ARPC4: variants seen among roughly 807,000 people sequenced by gnomAD.
ARPC4 encodes the protein actin-related protein 2/3 complex subunit 4.
ARPC4 carries 3 observed loss-of-function variants against 22.8 expected under a neutral mutation model. The observed-to-expected ratio is 0.13, with a 90% CI of 0.06 to 0.34. The LOEUF is 0.34. ARPC4 is among the 10% of genes least tolerant of loss of function. The pLI is 1.00. For synonymous variants in ARPC4, 80 were observed against 72.5 expected (o/e 1.10, Z -0.52); for missense variants, 98 against 211.0 (o/e 0.46, Z 3.32).
chr3:9,793,932 T>C (rs1199897769), intron 1 of ARPC4, among the ~76,000 whole-genome samples: 1 of 152,234 alleles, frequency 6.6e-6, no homozygotes, highest in Non-Finnish European at 1.5e-5. Context: ...AAGGTTTGCC[T>C]GGATATCTTG....
chr3:9,797,848 C>A, intron 2 of ARPC4, 71 bp downstream of exon 2: 1 of 1,484,640 alleles, frequency 6.7e-7, no homozygotes, highest in South Asian at 1.2e-5. Flanking sequence ...TAGAAGGTGC[C>A]ATGAACTTAT....
At chr3:9,804,511 T>C (rs1209277386) in intron 5 of ARPC4, among the ~76,000 whole-genome samples, 2 of 152,232 alleles carry the variant, frequency 1.3e-5, no homozygotes, top group Non-Finnish European at 2.9e-5. Context: ...CCTCTTACGT[T>C]GTTTATGTCT....
At chr3:9,801,956 AAG>A (rs1423188714) in intron 4 of ARPC4, among the ~76,000 whole-genome samples, 200 bp downstream of exon 4, 1 of 152,096 alleles carries the variant, frequency 6.6e-6, no homozygotes, top group African/African-American at 2.4e-5. Flanking sequence ...AAAGGCAAAA[AAG>A]AGCCGGGCGT....
At chr3:9,801,242 T>TGTTGAGCA (rs1412666160) in intron 3 of ARPC4, among the ~76,000 whole-genome samples, 1 of 80,904 alleles carries the variant, frequency 1.2e-5, no homozygotes, top group African/African-American at 4.3e-5. Context: ...AAAAAAGAAA[T>TGTTGAGCA]GTTGAGCATT....
intron 1 of ARPC4, among the ~76,000 whole-genome samples, chr3:9,794,814 TC>T (rs1267720246): frequency 3.3e-5 from 5 of 152,186 alleles, no homozygotes; most frequent in Non-Finnish European, 5.9e-5. Flanking sequence ...TACTGATTTT[TC>T]CCCCCTGTAG....
chr3:9,802,468 C>T (rs1472707541), intron 4 of ARPC4, among the ~76,000 whole-genome samples: 5 of 150,084 alleles, frequency 3.3e-5, no homozygotes, highest in Middle Eastern at 3.5e-3. Flanking sequence ...CTCCGCCTCC[C>T]GGGTTCACGC....
chr3:9,792,669 C>T (rs2078768289), upstream of ARPC4: 1 of 1,232,728 alleles, frequency 8.1e-7, no homozygotes, highest in Non-Finnish European at 1.0e-6. Context: ...GAGATCTCCG[C>T]GCTGCAGTTA....
intron 3 of ARPC4, among the ~76,000 whole-genome samples, chr3:9,801,206 A>G (rs2125645792): frequency 1.0e-5 from 1 of 98,844 alleles, no homozygotes; most frequent in Non-Finnish European, 1.9e-5. Flanking sequence ...GCGAGATTCC[A>G]TCTCAGAAAA....
At chr3:9,801,212 G>GAAAAAAAAAAAAAAAAAAA (rs745696982) in intron 3 of ARPC4, among the ~76,000 whole-genome samples, 1 of 66,428 alleles carries the variant, frequency 1.5e-5, no homozygotes, top group Non-Finnish European at 2.7e-5. Flanking sequence ...TTCCATCTCA[G>GAAAAAAAAAAAAAAAAAAA]AAAAAAAAAA....
intron 3 of ARPC4, 54 bp downstream of exon 3, chr3:9,800,350 C>G (rs1473015386): frequency 1.6e-5 from 25 of 1,567,588 alleles, no homozygotes; most frequent in Non-Finnish European, 2.1e-5. Flanking sequence ...TCCTTTCAGC[C>G]TCTTTCAGTC....
At chr3:9,794,246 TC>T (rs968836258) in intron 1 of ARPC4, among the ~76,000 whole-genome samples, 55 of 152,322 alleles carry the variant, frequency 3.6e-4, no homozygotes, top group Admixed American at 2.4e-3. Context: ...ACGCTTGTAA[TC>T]CCAGCACTTT....
At chr3:9,800,464 G>T (rs115363028) in intron 3 of ARPC4, among the ~76,000 whole-genome samples, 168 bp downstream of exon 3, 14 of 151,926 alleles carry the variant, frequency 9.2e-5, no homozygotes, top group East Asian at 3.9e-4. Context: ...CACTCTTGTC[G>T]CCCAGGCTGG....
intron 1 of ARPC4, among the ~76,000 whole-genome samples, chr3:9,793,871 A>G (rs2078816423): frequency 1.3e-5 from 2 of 152,016 alleles, no homozygotes; most frequent in South Asian, 2.1e-4. Context: ...CCTGGCTTCG[A>G]TAACTTTCTT....
chr3:9,794,357 G>C (rs2078832473), intron 1 of ARPC4, among the ~76,000 whole-genome samples: 1 of 152,120 alleles, frequency 6.6e-6, no homozygotes, highest in Non-Finnish European at 1.5e-5. Context: ...AAATTAGCCG[G>C]GCGTGGTGGT....
At chr3:9,798,120 C>CTTTT in intron 2 of ARPC4, 2 of 114,760 alleles carry the variant, frequency 1.7e-5, no homozygotes, top group Non-Finnish European at 3.7e-5. Context: ...CCATACTTTT[C>CTTTT]TTTTTTTTTT....
chr3:9,803,658 A>C (rs1457473448), intron 4 of ARPC4, 185 bp from the exon 5 acceptor site: 4 of 771,982 alleles, frequency 5.2e-6, no homozygotes, highest in Admixed American at 1.7e-5. Context: ...AGTTGCTTGG[A>C]TCCAACCTAG....
intron 1 of ARPC4, among the ~76,000 whole-genome samples, chr3:9,794,166 G>A (rs2078825619): frequency 6.6e-6 from 1 of 152,110 alleles, no homozygotes; most frequent in South Asian, 2.1e-4. Context: ...AAGGACAGGC[G>A]TCACGGAGCC....
At chr3:9,803,394 C>T in intron 4 of ARPC4, 1 of 409,914 alleles carries the variant, frequency 2.4e-6, no homozygotes, top group Non-Finnish European at 4.9e-6. Flanking sequence ...CTCTCCTGGT[C>T]CTAGATCTAA....
chr3:9,795,504 G>A (rs1193449144), intron 1 of ARPC4, among the ~76,000 whole-genome samples: 1 of 152,060 alleles, frequency 6.6e-6, no homozygotes. Flanking sequence ...TTGGTAGCCT[G>A]GCATTCAAGA....
Sources: gnomAD v4.1 joint callset for allele counts (sites outside exome capture counted in the v4.1 genomes callset) on GRCh38, gnomAD v4.1.1 for gene constraint, MANE v1.5 for transcripts, NCBI Gene and HGNC (gene_info 2026-07-23, HGNC 2026-07-21) for gene names.